Variants in CAMSAP2 observed in about 807,000 individuals in gnomAD.
CAMSAP2 encodes calmodulin regulated spectrin associated protein family member 2.
A neutral mutation model predicts 146.1 loss-of-function variants in CAMSAP2; 26 were observed. The observed-to-expected ratio is 0.18, with a 90% CI of 0.13 to 0.25. CAMSAP2 has a LOEUF of 0.25. Ranked by LOEUF, CAMSAP2 falls within the 10% of genes least tolerant of loss-of-function variation. The pLI is 1.00. For synonymous variants in CAMSAP2, 499 were observed against 596.6 expected (o/e 0.84, Z 2.38); for missense variants, 1,381 against 1,759.3 (o/e 0.78, Z 3.85).
At chr1:200,834,841 G>A (rs1394095542) in intron 6 of CAMSAP2, among the ~76,000 whole-genome samples, 3 of 152,148 alleles carry the variant, frequency 2.0e-5, no homozygotes, top group Admixed American at 2.0e-4. Context: ...GAACCTAGGA[G>A]GCTGAGACTG....
intron 3 of CAMSAP2, among the ~76,000 whole-genome samples, chr1:200,812,757 ATGAT>A (rs1409963359): frequency 1.1e-4 from 17 of 152,372 alleles, no homozygotes; most frequent in Non-Finnish European, 4.4e-5. Context: ...ATTATATTGA[ATGAT>A]TGAATCATGC....
chr1:200,781,588 T>A (rs764764058), intron 2 of CAMSAP2, among the ~76,000 whole-genome samples: 16 of 152,168 alleles, frequency 1.1e-4, no homozygotes, highest in Admixed American at 8.5e-4. Context: ...GTTGCTCAGC[T>A]TGAAGTGCAG....
Position 200,848,734 on chromosome 1 carries a change from C to T in CAMSAP2, c.1965C>T (p.Gly655=). 1 of 1,614,138 alleles carries T rather than the reference C, an allele frequency of 6.2e-7. No individual in the cohort carries two copies. The highest frequency in any genetic ancestry group is 8.5e-7 in the Non-Finnish European group (1 of 1,179,994). ...TTCAGGATTATGATATTCGAACTGG[C>T]AACACCAGGGAAGCTTTGAGTCCTT... is the stretch of plus-strand genomic sequence containing the variant. The part of the protein sequence containing the change: ...KFLQDYDIRT[G]NTREALSPCP... The change falls in exon 11 of 17, where the codon GGC becomes GGT. Residue 655 remains glycine (G), a synonymous_variant. Coordinates refer to ENST00000358823, the MANE Select transcript of CAMSAP2 (RefSeq NM_203459.4).
At chr1:200,809,256 G>A (rs367623350) in intron 3 of CAMSAP2, among the ~76,000 whole-genome samples, 1 of 152,120 alleles carries the variant, frequency 6.6e-6, no homozygotes, top group Non-Finnish European at 1.5e-5. Flanking sequence ...GTTTTGGATC[G>A]CACTCATTGC....
intron 2 of CAMSAP2, among the ~76,000 whole-genome samples, chr1:200,766,813 T>C (rs1455483143): frequency 6.6e-6 from 1 of 152,230 alleles, no homozygotes; most frequent in Non-Finnish European, 1.5e-5. Context: ...CACCTGGAAC[T>C]CTGCCTGGTG....
chr1:200,807,779 C>T (rs1448602088), intron 3 of CAMSAP2, among the ~76,000 whole-genome samples: 2 of 140,374 alleles, frequency 1.4e-5, no homozygotes, highest in Non-Finnish European at 3.0e-5. Flanking sequence ...CTCGCTCTGT[C>T]ACCCAGGCTG....
In CAMSAP2 at chr1:200,817,165, C is replaced by CACACATATAA. The variant is rs375085196; in HGVS notation, c.645+1521_645+1522insACACATATAA. ...ATATACACATACACACATACACACA[C>CACACATATAA]GTGTGTGTATATACACACACACACA... On this transcript the variant is annotated intron_variant, in intron 4 of 16. Coordinates refer to ENST00000358823, the MANE Select transcript of CAMSAP2 (RefSeq NM_203459.4). Among the ~76,000 whole-genome samples the CACACATATAA allele has an allele frequency of 4.5e-3, 306 of 68,052 alleles. 2 individuals are homozygous for CACACATATAA. Among genetic ancestry groups the CACACATATAA allele is most frequent in the Non-Finnish European group, 5.9e-3 (225 of 38,214 alleles). 44.6% of individuals were successfully genotyped at this position (68,052 alleles called of 152,430 possible).
chr1:200,746,290 G>A (rs975650624), intron 1 of CAMSAP2, among the ~76,000 whole-genome samples: 16 of 152,214 alleles, frequency 1.1e-4, no homozygotes, highest in African/African-American at 3.9e-4. Flanking sequence ...CATCTTGAAT[G>A]TGGATGGTAG....
chr1:200,749,141 A>G (rs1664427667), intron 1 of CAMSAP2, among the ~76,000 whole-genome samples: 1 of 152,244 alleles, frequency 6.6e-6, no homozygotes, highest in Admixed American at 6.5e-5. Context: ...TGAATGCTGC[A>G]GTATATACAT....
In CAMSAP2 at chr1:200,816,328, C is replaced by T. The variant is rs375995946; in HGVS notation, c.645+684C>T. 3.9e-3 allele frequency among the ~76,000 whole-genome samples: 583 copies of T among 149,804 alleles called. 4 individuals carry two copies. The highest frequency in any genetic ancestry group is 0.014 in the African/African-American group (556 of 40,716). The stretch of plus-strand genomic sequence containing the variant: ...ATATATAGGGCCAGGCGTGGTGGCT[C>T]ACACCTGTAATCCCAGCACTTTGGG... On this transcript the variant is annotated intron_variant, in intron 4 of 16. Coordinates refer to ENST00000358823, the MANE Select transcript of CAMSAP2 (RefSeq NM_203459.4).
At chr1:200,791,079 A>G (rs969785810) in intron 2 of CAMSAP2, among the ~76,000 whole-genome samples, 20 of 152,294 alleles carry the variant, frequency 1.3e-4, no homozygotes, top group African/African-American at 4.3e-4. Context: ...CCCTGACCTC[A>G]GGTGATCCAC....
At chr1:200,825,248 A>G (rs1311437687) in intron 4 of CAMSAP2, among the ~76,000 whole-genome samples, 3 of 152,110 alleles carry the variant, frequency 2.0e-5, no homozygotes, top group African/African-American at 7.2e-5. Flanking sequence ...CATAATTCCA[A>G]AAATCAGAAC....
chr1:200,775,039 G>A (rs1665232915), intron 2 of CAMSAP2, among the ~76,000 whole-genome samples: 1 of 152,180 alleles, frequency 6.6e-6, no homozygotes, highest in Non-Finnish European at 1.5e-5. Context: ...AACAATTGCA[G>A]GAAATGGTAA....
chr1:200,784,075 A>G (rs1258890164), intron 2 of CAMSAP2, among the ~76,000 whole-genome samples: 4 of 151,678 alleles, frequency 2.6e-5, no homozygotes. Context: ...TTCCAGTAGT[A>G]TTTATTGAAG....
Position 200,857,754 on chromosome 1 carries a change from G to A in CAMSAP2, c.4132G>A (p.Glu1378Lys), listed in dbSNP as rs1210501997. 1.3e-6 allele frequency: 2 copies of A among 1,577,178 alleles called. No homozygotes were observed. Among genetic ancestry groups the A allele is most frequent in the African/African-American group, 1.4e-5 (1 of 72,762 alleles). The change falls in exon 17 of 17, where the codon GAA (glutamate) becomes AAA (lysine). Residue 1378 changes from glutamate to lysine, a missense_variant and splice_region_variant. Glu to Lys is a moderately conservative substitution (Grantham distance 56, BLOSUM62 1). Coordinates refer to ENST00000358823, the MANE Select transcript of CAMSAP2 (RefSeq NM_203459.4). The surrounding 1 kb of genome is among the most constrained non-coding windows in gnomAD (Gnocchi z 4.7). ...NEGQKKKILE[E>K]MEKSDANNFL... ...GTTGTTTTTGTTTTTTATTTTAAAG[G>A]AAATGGAGAAATCAGATGCCAACAA...
Position 200,761,032 on chromosome 1 carries a change from T to G in CAMSAP2, c.333T>G (p.Gly111=), listed in dbSNP as rs1312112954. 4.3e-6 allele frequency: 7 copies of G among 1,613,856 alleles called. No homozygotes were observed. Among genetic ancestry groups the G allele is most frequent in the Non-Finnish European group, 3.4e-6 (4 of 1,179,916 alleles). Residue 111 remains glycine, a synonymous_variant, in exon 2 of 17, where the codon GGT becomes GGG. Coordinates refer to ENST00000358823, the MANE Select transcript of CAMSAP2 (RefSeq NM_203459.4). ...TAATCCAGGCTTTAGCACAGAAAGG[T>G]CTTTATGTCACTGACCAGGAAAAAT... ...DAVIQALAQK[G]LYVTDQEKLV...
Position 200,858,932 on chromosome 1 carries a change from A to C in CAMSAP2, c.*873A>C, listed in dbSNP as rs1033606231. On this transcript the variant is annotated 3_prime_UTR_variant, in exon 17 of 17. Coordinates refer to ENST00000358823, the MANE Select transcript of CAMSAP2 (RefSeq NM_203459.4). Reference sequence around the variant, plus strand: ...TGGCAGAAGTGAATGACACTTTGAGAGTAGTCTTTCAATCTGAAGATGTAA... The same window carrying C: ...TGGCAGAAGTGAATGACACTTTGAGCGTAGTCTTTCAATCTGAAGATGTAA... The C allele has an allele frequency of 1.3e-5, 2 of 152,418 alleles. No individual in the cohort carries two copies. The highest frequency in any genetic ancestry group is 3.7e-4 in the East Asian group (2 of 5,340). 9.4% of individuals were successfully genotyped at this position (152,418 alleles called of 1,614,324 possible).
At chr1:200,783,024 C>A (rs930586726) in intron 2 of CAMSAP2, among the ~76,000 whole-genome samples, 3 of 151,660 alleles carry the variant, frequency 2.0e-5, no homozygotes, top group African/African-American at 7.3e-5. Flanking sequence ...CCTCGGCCTC[C>A]CAAAGTACTG....
intron 6 of CAMSAP2, among the ~76,000 whole-genome samples, chr1:200,835,384 C>T (rs544807478): frequency 2.0e-5 from 3 of 152,252 alleles, no homozygotes; most frequent in Admixed American, 6.5e-5. Context: ...AATATTTTAG[C>T]GAGAGACTAT....
Sources: gnomAD v4.1 joint callset for allele counts (sites outside exome capture counted in the v4.1 genomes callset) on GRCh38, gnomAD v4.1.1 for gene constraint, Gnocchi (gnomAD v3.1) non-coding constraint, MANE v1.5 for transcripts, NCBI Gene and HGNC (gene_info 2026-07-23, HGNC 2026-07-21) for gene names.